CHAF1A: variants seen among roughly 807,000 people sequenced by gnomAD.
The protein encoded by CHAF1A is CAF-1 subunit A.
Under a neutral mutation model 93.2 loss-of-function variants are expected in CHAF1A, and 5 were observed. The observed-to-expected ratio is 0.05, with a 90% confidence interval of 0.03 to 0.11. CHAF1A has a LOEUF of 0.11. Ranked by LOEUF, CHAF1A falls within the 10% of genes least tolerant of loss-of-function variation. The probability of loss-of-function intolerance (pLI) is 1.00; values close to 1 mark genes in which losing one functional copy is unlikely to be tolerated. For missense variants in CHAF1A, 1,102 were observed against 1,259.9 expected (o/e 0.87, Z 1.90); for synonymous variants, 504 against 510.3 (o/e 0.99, Z 0.17).
chr19:4,443,723 G>A (rs1974442180), downstream of CHAF1A, among the ~76,000 whole-genome samples: 1 of 152,200 alleles, frequency 6.6e-6, no homozygotes, highest in Non-Finnish European at 1.5e-5. Context: ...GGCTTTGTGA[G>A]AGCCCACCCC....
rs373075128 is a variant in CHAF1A, at chr19:4,402,846, G to A, written c.52+32G>A. ...TCGGGCCCGCGCCGAGGGGAAGGGG[G>A]GGCGCGGCGCGCGGCCTGGACGGGC... On this transcript the variant is annotated intron_variant, in intron 1 of 14. Transcript: ENST00000301280. The A allele has an allele frequency of 3.3e-5, 39 of 1,180,246 alleles. 1 individual carries two copies. Among genetic ancestry groups the A allele is most frequent in the East Asian group, 1.4e-4 (4 of 28,436 alleles). The allele number at this position is 1,180,246 out of a possible 1,614,324, so 73.1% of individuals were successfully genotyped here. A position where few individuals can be genotyped will look rare whatever the true frequency, so the allele number is the denominator to read the frequency against.
At chr19:4,426,194 G>A (rs1365751048) in intron 7 of CHAF1A, among the ~76,000 whole-genome samples, 1 of 118,758 alleles carries the variant, frequency 8.4e-6, no homozygotes, top group Admixed American at 9.9e-5. Flanking sequence ...TTGAGACACA[G>A]TTTCACTCTG....
intron 13 of CHAF1A, among the ~76,000 whole-genome samples, chr19:4,442,021 TC>T (rs1974399883): frequency 6.6e-6 from 1 of 152,260 alleles, no homozygotes; most frequent in Admixed American, 6.5e-5. Context: ...GAGATCTGAA[TC>T]CAGTTCATTT....
chr19:4,439,192 A>G (rs1185317807), intron 13 of CHAF1A, among the ~76,000 whole-genome samples: 1 of 151,502 alleles, frequency 6.6e-6, no homozygotes, highest in Non-Finnish European at 1.5e-5. Flanking sequence ...AGGCAGGAGA[A>G]TCACTTGAAC....
chr19:4,446,847 G>A (rs2145170779), downstream of CHAF1A: 1 of 1,614,042 alleles, frequency 6.2e-7, no homozygotes, highest in Non-Finnish European at 8.5e-7. Context: ...CTGATCCTGG[G>A]CGGGAAGCAA....
At chr19:4,447,667 G>T (rs771290724), downstream of CHAF1A, 1 of 1,600,970 alleles carries the variant, frequency 6.2e-7, no homozygotes, top group South Asian at 1.1e-5. Flanking sequence ...AGCCCAGGCT[G>T]CCCACCCGGC....
intron 3 of CHAF1A, among the ~76,000 whole-genome samples, chr19:4,416,395 A>G (rs539169491): frequency 6.6e-6 from 1 of 152,324 alleles, no homozygotes; most frequent in East Asian, 1.9e-4. Flanking sequence ...AGCTTAGGCC[A>G]AAGTCCAGAC....
At chr19:4,416,801 G>C (rs1026938214) in intron 3 of CHAF1A, among the ~76,000 whole-genome samples, 1 of 152,122 alleles carries the variant, frequency 6.6e-6, no homozygotes. Flanking sequence ...TGAGGCAGGA[G>C]AATCGCTTGA....
intron 1 of CHAF1A, among the ~76,000 whole-genome samples, chr19:4,404,156 G>A (rs1323932645): frequency 6.6e-6 from 1 of 152,100 alleles, no homozygotes; most frequent in African/African-American, 2.4e-5. Flanking sequence ...ATCGCTACTC[G>A]CTAGGACCAT....
chr19:4,442,172 C>A (rs989380702), intron 13 of CHAF1A, 73 bp from the exon 14 acceptor site: 77 of 1,241,180 alleles, frequency 6.2e-5, no homozygotes, highest in Non-Finnish European at 8.9e-5. Flanking sequence ...CTGTGGAGTT[C>A]CCCCCGCTAC....
chr19:4,447,905 C>T (rs1010466756), downstream of CHAF1A: 3 of 515,882 alleles, frequency 5.8e-6, no homozygotes, highest in Non-Finnish European at 1.1e-5. Context: ...GGGGAAGCCA[C>T]AGTGCCGGAA....
intron 10 of CHAF1A, 122 bp from the exon 11 acceptor site, chr19:4,430,427 C>T: frequency 1.5e-6 from 1 of 645,938 alleles, no homozygotes; most frequent in Non-Finnish European, 2.8e-6. Context: ...ATCCGCCCAC[C>T]TCAGCCTCCC....
intron 3 of CHAF1A, among the ~76,000 whole-genome samples, chr19:4,417,457 C>CTTTTT (rs397768061): frequency 1.9e-5 from 2 of 103,108 alleles, no homozygotes; most frequent in African/African-American, 3.7e-5. Context: ...CCAGCTGTCG[C>CTTTTT]TTTTTTTTTT....
intron 7 of CHAF1A, among the ~76,000 whole-genome samples, chr19:4,427,364 C>T (rs918207302): frequency 1.4e-5 from 2 of 144,022 alleles, no homozygotes; most frequent in Non-Finnish European, 3.0e-5. Flanking sequence ...GAGTCTTGCT[C>T]TATCCCCCAG....
intron 11 of CHAF1A, 116 bp downstream of exon 11, chr19:4,430,757 A>G (rs1974167507): frequency 2.8e-6 from 3 of 1,072,924 alleles, no homozygotes; most frequent in South Asian, 1.4e-5. Context: ...CGAGATTTGG[A>G]CTGCATTCCA....
At chr19:4,447,955 G>A (rs1271308425), downstream of CHAF1A, 14 of 496,432 alleles carry the variant, frequency 2.8e-5, 1 homozygote, top group Non-Finnish European at 2.9e-5. Flanking sequence ...GTGCCAGCAG[G>A]GGGCTCCTGC....
chr19:4,413,184 G>A (rs915362636), intron 3 of CHAF1A, among the ~76,000 whole-genome samples: 7 of 152,110 alleles, frequency 4.6e-5, no homozygotes, highest in African/African-American at 1.7e-4. Flanking sequence ...CAATTCTCCT[G>A]TCTCAACCTC....
At chr19:4,403,169 C>A (rs1284263070) in intron 1 of CHAF1A, among the ~76,000 whole-genome samples, 1 of 152,170 alleles carries the variant, frequency 6.6e-6, no homozygotes, top group East Asian at 1.9e-4. Flanking sequence ...GTCCCTTGAC[C>A]ATGTTGGACC....
At chr19:4,406,037 G>A in intron 2 of CHAF1A, 75 bp downstream of exon 2, 1 of 1,199,646 alleles carries the variant, frequency 8.3e-7, no homozygotes, top group Non-Finnish European at 1.2e-6. Context: ...AGACCTCAGT[G>A]GAAGCCTGGA....
Sources: allele counts gnomAD v4.1 joint callset (sites outside exome capture counted in the v4.1 genomes callset), GRCh38; gene constraint gnomAD v4.1.1; transcripts MANE v1.5; gene names NCBI Gene and HGNC (gene_info 2026-07-23, HGNC 2026-07-21).